Variants in KCNQ1 observed in about 807,000 individuals in gnomAD.
The protein encoded by KCNQ1 is potassium voltage-gated channel subfamily Q member 1.
Under a neutral mutation model 72.4 loss-of-function variants are expected in KCNQ1, and 49 were observed. The ratio of observed to expected loss-of-function variants is 0.68; its 90% confidence interval spans 0.54 to 0.86. KCNQ1 has a LOEUF of 0.86. Among genes scored for constraint, KCNQ1 ranks in the 40% least tolerant of loss-of-function variants. KCNQ1 has a pLI of 0.00. For synonymous variants in KCNQ1, 450 were observed against 412.6 expected, an observed-to-expected ratio of 1.09 and a Z score of -1.10; for missense variants, 790 against 945.1, an observed-to-expected ratio of 0.84 and a Z score of 2.15.
chr11:2,648,353 C>T (rs1196410290), intron 10 of KCNQ1: 11 of 398,252 alleles, frequency 2.8e-5, no homozygotes, highest in South Asian at 1.3e-4. Context: ...CCTTGAGATG[C>T]GTTTATTAGG....
chr11:2,718,099 C>G lies in KCNQ1; in HGVS notation c.1515-50745C>G, dbSNP rs376398434. Among the ~76,000 whole-genome samples the G allele has an allele frequency of 1.7e-3, 252 of 151,272 alleles. 3 individuals carry two copies. Among genetic ancestry groups the G allele is most frequent in the African/African-American group, 5.8e-3 (234 of 40,618 alleles). ...CTCTTCTGGAAGAGCCGGGTTGACA[C>G]CCGCGTGCCCCGTCCTGGCTTAAAC... On this transcript the variant is annotated intron_variant, in intron 11 of 15. Transcript: ENST00000155840.
At position 2,564,895 on chromosome 11, in the gene KCNQ1, T is replaced by C. The variant is rs761919559; in HGVS notation, c.478-5733T>C. Among the ~76,000 whole-genome samples the C allele has an allele frequency of 7.9e-5, 12 of 152,210 alleles. No individual in the cohort carries two copies. Among genetic ancestry groups the C allele is most frequent in the Non-Finnish European group, 1.0e-4 (7 of 68,040 alleles). On this transcript the variant is annotated intron_variant, in intron 2 of 15. Coordinates refer to ENST00000155840, the MANE Select transcript of KCNQ1 (RefSeq NM_000218.3). This position sits in a 1 kb window ranked among gnomAD's most constrained non-coding sequence, Gnocchi z 4.5. ...GAGTAATGTCTTCAAGGTTCCTCCA[T>C]GTTGCAGCCTGTGTGAGAATCCCCT... is the stretch of plus-strand genomic sequence containing the variant.
chr11:2,519,236 C>T (rs1005623), intron 1 of KCNQ1, among the ~76,000 whole-genome samples: 76,411 of 152,090 alleles, frequency 0.5, 20,194 homozygotes, highest in Non-Finnish European at 0.6. Context: ...CCGCCTGTGC[C>T]GGGAATCACC....
chr11:2,779,416 G>A (rs190262874), intron 15 of KCNQ1, among the ~76,000 whole-genome samples: 47 of 152,186 alleles, frequency 3.1e-4, no homozygotes, highest in Non-Finnish European at 5.9e-4. Context: ...AGCCGTGGTA[G>A]AGACAGGGAG....
At chr11:2,805,566 G>A (rs367743274) in intron 15 of KCNQ1, among the ~76,000 whole-genome samples, 2 of 152,174 alleles carry the variant, frequency 1.3e-5, no homozygotes, top group South Asian at 2.1e-4. Context: ...CACGCCCACC[G>A]GTGGACACAT....
intron 11 of KCNQ1, among the ~76,000 whole-genome samples, chr11:2,761,878 T>C (rs1469083702): frequency 6.6e-6 from 1 of 152,136 alleles, no homozygotes; most frequent in African/African-American, 2.4e-5. Flanking sequence ...TTCTAGGGAG[T>C]TGGCAGGAGG....
At position 2,670,521 on chromosome 11, in the gene KCNQ1, G is replaced by A. The variant is rs896004307; in HGVS notation, c.1514+8440G>A. 2.5e-6 allele frequency: 1 copy of A among 397,794 alleles called. No individual in the cohort carries two copies. The allele number at this position is 397,794 out of a possible 1,614,324, so 24.6% of individuals were successfully genotyped here. On this transcript the variant is annotated intron_variant, in intron 11 of 15. Transcript: ENST00000155840. This position sits in a 1 kb window ranked among gnomAD's most constrained non-coding sequence, Gnocchi z 4.9. Reference sequence around the variant, plus strand: ...CCTGTCCTCCCAGCTCACAGAAGGGGAAATTGAAGCCTCAAGAAGGATAGG... The same window carrying A: ...CCTGTCCTCCCAGCTCACAGAAGGGAAAATTGAAGCCTCAAGAAGGATAGG...
rs1387586623 is a variant in KCNQ1, at chr11:2,652,536, T to A, written c.1394-9425T>A. ...CTGTGAGCTCAACTCTTGGAGAAGA[T>A]AGTGCTTAACCCAGATTCCATTGTA... On this transcript the variant is annotated intron_variant, in intron 10 of 15. Coordinates refer to ENST00000155840, the MANE Select transcript of KCNQ1 (RefSeq NM_000218.3). This position sits in a 1 kb window ranked among gnomAD's most constrained non-coding sequence, Gnocchi z 5.9. 2.5e-6 allele frequency: 1 copy of A among 398,522 alleles called. No homozygotes were observed. Among genetic ancestry groups the A allele is most frequent in the Non-Finnish European group, 4.4e-6 (1 of 226,074 alleles). The allele number at this position is 398,522 out of a possible 1,614,324, so 24.7% of individuals were successfully genotyped here. A position where few individuals can be genotyped will look rare whatever the true frequency, so the allele number is the denominator to read the frequency against.
At chr11:2,811,323 G>A (rs904284688) in intron 15 of KCNQ1, among the ~76,000 whole-genome samples, 4 of 152,222 alleles carry the variant, frequency 2.6e-5, no homozygotes, top group Non-Finnish European at 4.4e-5. Flanking sequence ...TCCTGGGGTG[G>A]GGAATCATCT....
chr11:2,709,013 G>A (rs1371075949), intron 11 of KCNQ1, among the ~76,000 whole-genome samples: 1 of 152,106 alleles, frequency 6.6e-6, no homozygotes, highest in Non-Finnish European at 1.5e-5. Flanking sequence ...TAAAAGAGCT[G>A]AGGGGCCTTA....
intron 11 of KCNQ1, among the ~76,000 whole-genome samples, chr11:2,726,113 T>C (rs2133935524): frequency 6.6e-6 from 1 of 152,228 alleles, no homozygotes; most frequent in Non-Finnish European, 1.5e-5. Context: ...GGGGACGGCC[T>C]CTTGGGAGCC....
At chr11:2,570,148 G>T (rs1293618414) in intron 2 of KCNQ1, among the ~76,000 whole-genome samples, 1 of 144,280 alleles carries the variant, frequency 6.9e-6, no homozygotes, top group African/African-American at 2.9e-5. Context: ...GGCGTGGGAC[G>T]CCCTCTGGCC....
chr11:2,846,807 T>C (rs1164825573), intron 15 of KCNQ1, among the ~76,000 whole-genome samples: 3 of 152,268 alleles, frequency 2.0e-5, no homozygotes, highest in Admixed American at 6.5e-5. Context: ...GGGGCTTCTC[T>C]GCTGCCTCCG....
intron 11 of KCNQ1, among the ~76,000 whole-genome samples, chr11:2,765,606 T>G (rs957325354): frequency 2.0e-5 from 3 of 152,232 alleles, no homozygotes; most frequent in Non-Finnish European, 2.9e-5. Flanking sequence ...CATTTTCTCT[T>G]TTAGCTTTTA....
At chr11:2,466,017 C>T (rs1846346596) in intron 1 of KCNQ1, among the ~76,000 whole-genome samples, 1 of 152,228 alleles carries the variant, frequency 6.6e-6, no homozygotes, top group Non-Finnish European at 1.5e-5. Flanking sequence ...CCCTTCAGGG[C>T]CTGCATGAGT....
chr11:2,639,373 C>T (rs11023583), intron 10 of KCNQ1: 21,423 of 152,144 alleles, frequency 0.14, 1,567 homozygotes, highest in South Asian at 0.18. Context: ...ATGATGGTGA[C>T]GTATAGATGG....
rs143070772 is a variant in KCNQ1, at chr11:2,656,539, G to A, written c.1394-5422G>A. 4.8e-4 allele frequency: 191 copies of A among 398,650 alleles called. No individual in the cohort carries two copies. In the East Asian group the frequency reaches 6.0e-3, roughly 12 times the overall value. The allele number at this position is 398,650 out of a possible 1,614,324, so 24.7% of individuals were successfully genotyped here. On this transcript the variant is annotated intron_variant, in intron 10 of 15. Transcript: ENST00000155840. ...ACATTTCCCTGATTGCTAGTCAGGC[G>A]CAACACCTTTCCACATGCTCATCAG...
chr11:2,585,370 C>A, intron 8 of KCNQ1, 63 bp downstream of exon 8: 1 of 1,411,612 alleles, frequency 7.1e-7, no homozygotes, highest in African/African-American at 1.4e-5. Context: ...GCATCCAGCC[C>A]TCACGGCCAC....
rs3899907 is a variant in KCNQ1 at position 2,787,688 on chromosome 11, G to C, written c.1794+9651G>C. On this transcript the variant is annotated intron_variant, in intron 15 of 15. Coordinates refer to ENST00000155840, the MANE Select transcript of KCNQ1 (RefSeq NM_000218.3). This position sits in a 1 kb window ranked among gnomAD's most constrained non-coding sequence, Gnocchi z 6.3. ...TTGACATTCTTCTTTTTCATACTGG[G>C]TCTTCAAAAGCCACTGCATATTTTA... Among the ~76,000 whole-genome samples the C allele has an allele frequency of 0.17, 26,366 of 151,538 alleles. 2,555 individuals are homozygous for C. The highest frequency in any genetic ancestry group is 0.24 in the South Asian group (1,148 of 4,782).
Sources: gnomAD v4.1 joint callset for allele counts (sites outside exome capture counted in the v4.1 genomes callset) on GRCh38, gnomAD v4.1.1 for gene constraint, Gnocchi (gnomAD v3.1) non-coding constraint, MANE v1.5 for transcripts, NCBI Gene and HGNC (gene_info 2026-07-23, HGNC 2026-07-21) for gene names.